Variants in AP4E1 observed in about 807,000 individuals in gnomAD.
AP4E1 encodes adaptor related protein complex 4 subunit epsilon 1.
A neutral mutation model predicts 128.2 loss-of-function variants in AP4E1; 56 were observed. The ratio of observed to expected loss-of-function variants is 0.44; its 90% CI spans 0.35 to 0.55. The LOEUF (loss-of-function observed/expected upper bound fraction) is 0.55, where lower values mean the gene tolerates loss of function less well. Ranked by LOEUF, AP4E1 falls within the 20% of genes least tolerant of loss-of-function variation. AP4E1 has a pLI of 0.00. For synonymous variants in AP4E1, 484 were observed against 473.1 expected, an observed-to-expected ratio of 1.02 and a Z score of -0.30; for missense variants, 1,324 against 1,307.7, an observed-to-expected ratio of 1.01 and a Z score of -0.19.
At chr15:50,955,230 A>G (rs952977340) in intron 13 of AP4E1, among the ~76,000 whole-genome samples, 1 of 152,188 alleles carries the variant, frequency 6.6e-6, no homozygotes, top group African/African-American at 2.4e-5. Context: ...TGGTATTTCT[A>G]GTTCTAGATC....
At chr15:50,926,493 T>C (rs559510799) in intron 5 of AP4E1, among the ~76,000 whole-genome samples, 15 of 152,320 alleles carry the variant, frequency 9.8e-5, no homozygotes, top group African/African-American at 3.6e-4. Flanking sequence ...ATGTCAGTTA[T>C]ATATTCTTGA....
intron 7 of AP4E1, among the ~76,000 whole-genome samples, chr15:50,933,786 A>G (rs1039653619): frequency 6.6e-6 from 1 of 152,170 alleles, no homozygotes; most frequent in African/African-American, 2.4e-5. Flanking sequence ...TTTCTGAAAG[A>G]TGTAATTAAT....
At position 50,958,596 on chromosome 15, in the gene AP4E1, A is replaced by G. The variant is rs1408258502; in HGVS notation, c.1653A>G (p.Lys551=). The G allele has an allele frequency of 3.4e-5, 55 of 1,614,064 alleles. No individual in the cohort carries two copies. Among genetic ancestry groups the G allele is most frequent in the Non-Finnish European group, 4.7e-5 (55 of 1,180,038 alleles). The change falls in exon 14 of 21, where the codon AAA becomes AAG. Residue 551 remains lysine (K), a synonymous_variant. Coordinates refer to ENST00000261842, the MANE Select transcript of AP4E1 (RefSeq NM_007347.5). Reference sequence around the variant, plus strand: ...ATGACTCTGTGTCTTCAGAAACAAAAGCCTGGTTAATTGCTGCTGTGACCA... The same window carrying G: ...ATGACTCTGTGTCTTCAGAAACAAAGGCCTGGTTAATTGCTGCTGTGACCA... ...LMNDSVSSET[K]AWLIAAVTKL... is the part of the protein sequence containing the mutation.
Position 51,003,691 on chromosome 15 carries a change from TATGA to T in AP4E1, c.*1034_*1037del, listed in dbSNP as rs1402077477. On this transcript the variant is annotated 3_prime_UTR_variant, in exon 21 of 21. Transcript: ENST00000261842. ...ATCAGTAAAAGAGGTTAAGCCTATA[TATGA>T]ATGATGGACCAAAACCTTGAGGTTG... The T allele has an allele frequency of 6.5e-6, 1 of 152,688 alleles. No homozygotes were observed. Among genetic ancestry groups the T allele is most frequent in the African/African-American group, 2.4e-5 (1 of 41,482 alleles). 9.5% of individuals were successfully genotyped at this position (152,688 alleles called of 1,614,324 possible). A position where few individuals can be genotyped will look rare whatever the true frequency, so the allele number is the denominator to read the frequency against.
At chr15:50,992,508 C>T (rs996699237) in intron 16 of AP4E1, among the ~76,000 whole-genome samples, 2 of 152,116 alleles carry the variant, frequency 1.3e-5, no homozygotes, top group African/African-American at 4.8e-5. Context: ...TATTTTAGCC[C>T]GCACTTATTA....
rs953273401 is a variant in AP4E1 at position 51,002,869 on chromosome 15, A to C, written c.*207A>C. The C allele has an allele frequency of 2.5e-5, 15 of 601,394 alleles. No homozygotes were observed. The highest frequency in any genetic ancestry group is 3.7e-5 in the African/African-American group (2 of 53,744). 37.3% of individuals were successfully genotyped at this position (601,394 alleles called of 1,614,324 possible). On this transcript the variant is annotated 3_prime_UTR_variant, in exon 21 of 21. Transcript: ENST00000261842. Reference sequence around the variant, plus strand: ...TAACTCAGGATTGTACAGTATGTTTAGGTCCCTCAAAAAGTGACCTAAGCT... The same window carrying C: ...TAACTCAGGATTGTACAGTATGTTTCGGTCCCTCAAAAAGTGACCTAAGCT...
intron 8 of AP4E1, among the ~76,000 whole-genome samples, chr15:50,938,638 G>T (rs1167104429): frequency 6.6e-6 from 1 of 152,114 alleles, no homozygotes. Flanking sequence ...TTTGTGGCCA[G>T]GGTTCGGAGG....
intron 3 of AP4E1, among the ~76,000 whole-genome samples, chr15:50,919,565 A>C (rs1416457813): frequency 6.6e-6 from 1 of 151,422 alleles, no homozygotes; most frequent in Non-Finnish European, 1.5e-5. Context: ...TAAATAAATA[A>C]ATAAATAAAT....
chr15:50,957,121 C>G (rs543852466), intron 13 of AP4E1, among the ~76,000 whole-genome samples: 20 of 152,240 alleles, frequency 1.3e-4, no homozygotes, highest in East Asian at 1.2e-3. Flanking sequence ...TCAGTGGGCC[C>G]TTTTGTATCT....
chr15:50,945,406 A>G (rs2064045297), intron 10 of AP4E1: 8 of 778,080 alleles, frequency 1.0e-5, no homozygotes, highest in Non-Finnish European at 1.9e-5. Flanking sequence ...TTGGAACCCT[A>G]TGGAAGCTTT....
At chr15:50,947,089 C>T (rs2064072330) in intron 10 of AP4E1, among the ~76,000 whole-genome samples, 2 of 151,444 alleles carry the variant, frequency 1.3e-5, no homozygotes, top group Admixed American at 1.3e-4. Flanking sequence ...GAGTGAGACT[C>T]CATCTCAAGA....
At chr15:50,949,754 A>G in intron 11 of AP4E1, 72 bp from the exon 12 acceptor site, 2 of 1,200,290 alleles carry the variant, frequency 1.7e-6, no homozygotes, top group South Asian at 2.4e-5. Flanking sequence ...TTATTTTTTA[A>G]AAGATTGCTA....
At position 50,962,889 on chromosome 15, in the gene AP4E1, C is replaced by CAAAAAAAAAAAAAAAAA. The variant is rs71127168; in HGVS notation, c.1851+4106_1851+4122dup. Among the ~76,000 whole-genome samples, 25 of 38,716 alleles carry CAAAAAAAAAAAAAAAAA rather than the reference C, an allele frequency of 6.5e-4. 4 individuals carry two copies. The highest frequency in any genetic ancestry group is 2.9e-3 in the African/African-American group (25 of 8,726). The allele number at this position is 38,716 out of a possible 152,430, so 25.4% of individuals were successfully genotyped here. A position where few individuals can be genotyped will look rare whatever the true frequency, so the allele number is the denominator to read the frequency against. ...ATATATAAGGAACTCAATTCAACAG[C>CAAAAAAAAAAAAAAAAA]AAAAAAAAAAAAAAAAAAAAAAAAA... On this transcript the variant is annotated intron_variant, in intron 14 of 20. Transcript: ENST00000261842.
chr15:50,944,178 T>G (rs181261149), intron 10 of AP4E1, among the ~76,000 whole-genome samples: 2 of 152,314 alleles, frequency 1.3e-5, no homozygotes, highest in East Asian at 3.9e-4. Context: ...ACTAAAGTAC[T>G]GTCTCTTCAA....
At chr15:50,995,817 A>G (rs917959072) in intron 17 of AP4E1, among the ~76,000 whole-genome samples, 1 of 151,842 alleles carries the variant, frequency 6.6e-6, no homozygotes, top group Non-Finnish European at 1.5e-5. Flanking sequence ...ACAGATTGAC[A>G]ATGCAGAAGA....
At position 51,002,807 on chromosome 15, in the gene AP4E1, G is replaced by A; in HGVS notation, c.*145G>A. ...TTTATATGTTTTCTTTGTGATTCCTGGTCAAGAAAGATCCCCAAAACTGTA... is the reference window on the plus strand; with the variant it reads ...TTTATATGTTTTCTTTGTGATTCCTAGTCAAGAAAGATCCCCAAAACTGTA... On this transcript the variant is annotated 3_prime_UTR_variant, in exon 21 of 21. Coordinates refer to ENST00000261842, the MANE Select transcript of AP4E1 (RefSeq NM_007347.5). 1 of 1,017,406 alleles carries A rather than the reference G, an allele frequency of 9.8e-7. No homozygotes were observed. Among genetic ancestry groups the A allele is most frequent in the Admixed American group, 2.1e-5 (1 of 47,562 alleles). The allele number at this position is 1,017,406 out of a possible 1,614,324, so 63.0% of individuals were successfully genotyped here.
chr15:50,971,138 A>G (rs1418158533), intron 15 of AP4E1, among the ~76,000 whole-genome samples: 1 of 152,142 alleles, frequency 6.6e-6, no homozygotes, highest in African/African-American at 2.4e-5. Context: ...TCTACTGGTG[A>G]TGAAGTTCTT....
chr15:50,945,249 G>T (rs1258083564), intron 10 of AP4E1: 1 of 785,394 alleles, frequency 1.3e-6, no homozygotes, highest in East Asian at 2.4e-5. Context: ...CTGGGGATTT[G>T]ACAGTGTAAG....
chr15:50,947,396 A>G (rs2064076317), intron 10 of AP4E1, among the ~76,000 whole-genome samples: 1 of 148,582 alleles, frequency 6.7e-6, no homozygotes, highest in South Asian at 2.2e-4. Context: ...AGCCTGGATG[A>G]CAGAGCAAGA....
Sources: allele counts gnomAD v4.1 joint callset (sites outside exome capture counted in the v4.1 genomes callset), GRCh38; gene constraint gnomAD v4.1.1; transcripts MANE v1.5; gene names NCBI Gene and HGNC (gene_info 2026-07-23, HGNC 2026-07-21).